PRRC2B: variants seen among roughly 807,000 people sequenced by gnomAD.
PRRC2B encodes the protein protein PRRC2B.
PRRC2B carries 68 observed loss-of-function variants against 242.3 expected under a neutral mutation model. The observed-to-expected ratio is 0.28, with a 90% confidence interval of 0.23 to 0.34. PRRC2B has a LOEUF of 0.34. Ranked by LOEUF, PRRC2B falls within the 10% of genes least tolerant of loss-of-function variation. PRRC2B has a pLI of 1.00. For synonymous variants in PRRC2B, 1,228 were observed against 1,173.6 expected, an observed-to-expected ratio of 1.05 and a Z score of -0.95; for missense variants, 2,835 against 2,954.8, an observed-to-expected ratio of 0.96 and a Z score of 0.94.
chr9:131,379,939 A>G lies in PRRC2B; in HGVS notation c.-56+6208A>G, dbSNP rs1223396092. On this transcript the variant is annotated intron_variant, in intron 1 of 1. Coordinates refer to the PRRC2B transcript ENST00000682525. ...GCACCCAGCCAGCCTTTTTTTTTTC[A>G]GTGGTTGTTTGCCTTTTTGTTCTTG... Among the ~76,000 whole-genome samples the G allele has an allele frequency of 2.1e-5, 3 of 146,148 alleles. No individual in the cohort carries two copies. The East Asian group carries it at 6.1e-4, about 30-fold the overall frequency.
At chr9:131,456,943 G>T (rs1377211035) in intron 10 of PRRC2B, among the ~76,000 whole-genome samples, 2 of 152,178 alleles carry the variant, frequency 1.3e-5, no homozygotes, top group Non-Finnish European at 2.9e-5. Context: ...CCGTTAAAAT[G>T]TAATGTTTTA....
At position 131,476,479 on chromosome 9, in the gene PRRC2B, T is replaced by TGAC; in HGVS notation, c.4351_4353dup (p.Asp1451dup). On this transcript the variant is annotated inframe_insertion, in exon 16 of 32. Coordinates refer to ENST00000683519, the MANE Select transcript of PRRC2B (RefSeq NM_013318.4). The stretch of plus-strand genomic sequence containing the variant: ...AGAAGCCCGTTAGGCCAGGTGGTGG[T>TGAC]GACACCTCCCCTCGCTATGAGAGCC... 6.2e-7 allele frequency: 1 copy of TGAC among 1,612,128 alleles called. No individual in the cohort carries two copies.
intron 1 of PRRC2B, among the ~76,000 whole-genome samples, chr9:131,385,227 G>T (rs1176066567): frequency 6.7e-6 from 1 of 149,238 alleles, no homozygotes; most frequent in Non-Finnish European, 1.5e-5. Flanking sequence ...TATAATCCCA[G>T]CTACTTGGGA....
At chr9:131,430,561 A>ATGTGTGTG (rs200517031) in intron 2 of PRRC2B, among the ~76,000 whole-genome samples, 11,072 of 118,456 alleles carry the variant, frequency 0.093, 601 homozygotes, top group East Asian at 0.15. Flanking sequence ...GTGTGTGTGT[A>ATGTGTGTG]TGTGTGTGTG....
intron 11 of PRRC2B, among the ~76,000 whole-genome samples, chr9:131,462,981 C>T (rs934428880): frequency 2.6e-5 from 4 of 151,748 alleles, no homozygotes; most frequent in African/African-American, 9.7e-5. Flanking sequence ...CTATTATTTC[C>T]TTTCCAGGAA....
At chr9:131,448,849 C>T (rs140978222) in intron 9 of PRRC2B, among the ~76,000 whole-genome samples, 29 of 152,128 alleles carry the variant, frequency 1.9e-4, no homozygotes, top group Non-Finnish European at 3.8e-4. Context: ...CACATTTTAC[C>T]TGTACAGTTT....
chr9:131,397,138 C>T (rs1837083031), intron 1 of PRRC2B, among the ~76,000 whole-genome samples: 1 of 152,200 alleles, frequency 6.6e-6, no homozygotes, highest in Non-Finnish European at 1.5e-5. Flanking sequence ...TCACTCGGGC[C>T]CAGTCTGGCT....
At position 131,494,443 on chromosome 9, in the gene PRRC2B, C is replaced by G; in HGVS notation, c.6512C>G (p.Ser2171Ter). The G allele has an allele frequency of 6.2e-7, 1 of 1,606,386 alleles. No individual in the cohort carries two copies. The highest frequency in any genetic ancestry group is 8.5e-7 in the Non-Finnish European group (1 of 1,175,654). ...SASPSGKPSG[S>*]AVNMGSVQGH... ...AGCCCCAGTGGGAAGCCCTCTGGATCAGCAGTTAACATGGGCTCTGTGCAG... is the reference window on the plus strand; with the variant it reads ...AGCCCCAGTGGGAAGCCCTCTGGATGAGCAGTTAACATGGGCTCTGTGCAG... The change falls in exon 31 of 32, where the codon TCA becomes TGA. Residue 2171 changes from serine to a stop codon, truncating the protein, a stop_gained. Transcript: ENST00000683519. LOFTEE classifies it high-confidence loss of function. This position sits in a 1 kb window ranked among gnomAD's most constrained non-coding sequence, Gnocchi z 4.3.
In PRRC2B at chr9:131,464,968, A is replaced by C. The variant is rs751465851; in HGVS notation, c.1610A>C (p.Lys537Thr). 3 of 1,613,974 alleles carry C rather than the reference A, an allele frequency of 1.9e-6. No homozygotes were observed. The Admixed American group carries it at 5.0e-5, about 27-fold the overall frequency. Residue 537 changes from lysine to threonine, a missense_variant, in exon 12 of 32, where the codon AAG (lysine) becomes ACG (threonine). This residue lies in a region of PRRC2B where 1,536 missense variants were observed against 1,483.1 expected (regional missense o/e 1.04). Coordinates refer to ENST00000683519, the MANE Select transcript of PRRC2B (RefSeq NM_013318.4). ...CTCAAGCAGCTGGACCAGAAGTGTA[A>C]GCAGGCACGAAAGGCAGGTGAGGCC... ...AKLKQLDQKC[K>T]QARKAGEARK...
At chr9:131,420,474 T>TTTCG (rs1837787804) in intron 1 of PRRC2B, among the ~76,000 whole-genome samples, 1 of 12,162 alleles carries the variant, frequency 8.2e-5, no homozygotes, top group Non-Finnish European at 2.7e-4. Flanking sequence ...TCTTTCTTTC[T>TTTCG]TTCTTTCTTT....
chr9:131,476,702 C>T (rs1016224025), intron 16 of PRRC2B, among the ~76,000 whole-genome samples, 167 bp downstream of exon 16: 6 of 152,114 alleles, frequency 3.9e-5, no homozygotes, highest in Non-Finnish European at 8.8e-5. Flanking sequence ...GTCTGCTTCT[C>T]GTGGTGGTGT....
rs1564303361 is a variant in PRRC2B, at chr9:131,491,485, AT to A, written c.6288del (p.Gln2097SerfsTer26). ...GCAGCCACTGATCCTGCCCCAGTCT[AT>A]TCAGCTGCCACCTGGGCAGAGCCTC... ...GQQPLILPQS[I>X]QLPPGQSLSV... On this transcript the variant is annotated frameshift_variant, in exon 29 of 32. Transcript: ENST00000683519. LOFTEE classifies it high-confidence loss of function. 6.2e-7 allele frequency: 1 copy of A among 1,612,284 alleles called. No individual in the cohort carries two copies. The highest frequency in any genetic ancestry group is 8.5e-7 in the Non-Finnish European group (1 of 1,179,566).
chr9:131,411,310 CTTTTT>C (rs910298580), intron 1 of PRRC2B, among the ~76,000 whole-genome samples: 1 of 149,370 alleles, frequency 6.7e-6, no homozygotes, highest in Admixed American at 6.8e-5. Flanking sequence ...GTGCTATTTT[CTTTTT>C]TTTGTTTGTT....
chr9:131,408,148 T>C (rs1564275648), intron 1 of PRRC2B, among the ~76,000 whole-genome samples: 2 of 152,232 alleles, frequency 1.3e-5, no homozygotes. Flanking sequence ...TCTCTGCCTG[T>C]CTGGGCATTT....
At chr9:131,418,298 C>T (rs1837711306) in intron 1 of PRRC2B, among the ~76,000 whole-genome samples, 1 of 152,240 alleles carries the variant, frequency 6.6e-6, no homozygotes, top group African/African-American at 2.4e-5. Context: ...CTTCTGGAAA[C>T]TTGTGTGTAG....
chr9:131,374,527 T>A (rs947068005), intron 1 of PRRC2B, among the ~76,000 whole-genome samples: 1 of 152,142 alleles, frequency 6.6e-6, no homozygotes, highest in Non-Finnish European at 1.5e-5. Flanking sequence ...CGCTCTTTTT[T>A]TTTTTATTTT....
At chr9:131,489,134 C>T (rs1944110600) in intron 28 of PRRC2B, among the ~76,000 whole-genome samples, 1 of 151,882 alleles carries the variant, frequency 6.6e-6, no homozygotes, top group Non-Finnish European at 1.5e-5. Context: ...TCTCAGTTGT[C>T]ACCTCTGGCT....
chr9:131,495,933 G>A lies in PRRC2B; in HGVS notation c.*59G>A, dbSNP rs1161374723. The stretch of plus-strand genomic sequence containing the variant: ...GAGGACGGTGCCGCCATGCGGCCTC[G>A]ACACAGCCGACACTCGGGAGCCTCA... On this transcript the variant is annotated 3_prime_UTR_variant, in exon 32 of 32. Coordinates refer to ENST00000683519, the MANE Select transcript of PRRC2B (RefSeq NM_013318.4). 29 of 1,570,962 alleles carry A rather than the reference G, an allele frequency of 1.8e-5. No homozygotes were observed. Among genetic ancestry groups the A allele is most frequent in the Admixed American group, 5.1e-5 (3 of 59,082 alleles).
chr9:131,428,435 C>T (rs1335911718), intron 1 of PRRC2B, among the ~76,000 whole-genome samples: 1 of 152,134 alleles, frequency 6.6e-6, no homozygotes, highest in Non-Finnish European at 1.5e-5. Context: ...CTCCCTCTGT[C>T]ACCCAGGCTG....
Sources: allele counts gnomAD v4.1 joint callset (sites outside exome capture counted in the v4.1 genomes callset), GRCh38; gene constraint gnomAD v4.1.1; regional missense constraint gnomAD v4.1.1; non-coding constraint Gnocchi (gnomAD v3.1); transcripts MANE v1.5; gene names NCBI Gene and HGNC (gene_info 2026-07-23, HGNC 2026-07-21).